The following SAMMSON variants were observed in gnomAD, a reference collection of about 807,000 sequenced individuals.
SAMMSON encodes the protein survival associated mitochondrial melanoma specific oncogenic non-coding RNA.
At chr3:70,211,674 C>T (rs1216625099) in intron 4 of SAMMSON, among the ~76,000 whole-genome samples, 1 of 126,818 alleles carries the variant, frequency 7.9e-6, no homozygotes, top group South Asian at 2.7e-4. Flanking sequence ...TTTCCCTTCC[C>T]TTTCCTTCCT....
chr3:70,047,675 T>A (rs765040074), intron 3 of SAMMSON, among the ~76,000 whole-genome samples: 6 of 152,048 alleles, frequency 3.9e-5, no homozygotes, highest in Admixed American at 6.6e-5. Flanking sequence ...CTTTTTCCAT[T>A]TGTGATACTA....
chr3:70,018,221 T>G (rs1450549302), intron 3 of SAMMSON, among the ~76,000 whole-genome samples: 1 of 152,178 alleles, frequency 6.6e-6, no homozygotes, highest in Non-Finnish European at 1.5e-5. Flanking sequence ...TTCTGGACTT[T>G]TTTTGTTGGT....
chr3:70,045,085 TA>T lies in SAMMSON; in HGVS notation n.418-26389del, dbSNP rs1287888717. ...TAATATATATTATAATTAATATATA[TA>T]ATTAATTATAATATATATTATAATT... On this transcript the variant is annotated intron_variant and non_coding_transcript_variant, in intron 3 of 9. Transcript: ENST00000642114. Among the ~76,000 whole-genome samples, 617 of 79,146 alleles carry T rather than the reference TA, an allele frequency of 7.8e-3. 11 individuals are homozygous for T. The highest frequency in any genetic ancestry group is 0.024 in the South Asian group (66 of 2,762). The allele number at this position is 79,146 out of a possible 152,430, so 51.9% of individuals were successfully genotyped here.
At chr3:70,170,505 A>G (rs897958782) in intron 4 of SAMMSON, among the ~76,000 whole-genome samples, 10 of 151,328 alleles carry the variant, frequency 6.6e-5, no homozygotes, top group African/African-American at 2.4e-4. Context: ...ATTAATGGCC[A>G]TATGGTATTA....
chr3:70,187,344 C>T (rs1701098484), intron 4 of SAMMSON, among the ~76,000 whole-genome samples: 2 of 149,264 alleles, frequency 1.3e-5, no homozygotes, highest in South Asian at 4.3e-4. Context: ...TGGTGTTGCA[C>T]ACATAATTTC....
intron 4 of SAMMSON, chr3:70,125,468 A>G: frequency 5.0e-6 from 4 of 793,886 alleles, no homozygotes; most frequent in Non-Finnish European, 8.4e-6. Flanking sequence ...TTCCGATGGC[A>G]TTTCATCAGA....
intron 2 of SAMMSON, among the ~76,000 whole-genome samples, chr3:70,418,979 T>TTCTC (rs71129503): frequency 2.8e-4 from 19 of 67,310 alleles, no homozygotes; most frequent in African/African-American, 7.7e-4. Context: ...CCTTCCTTCC[T>TTCTC]TCTCTCTCTC....
chr3:70,419,544 G>C (rs1701295085), intron 2 of SAMMSON, among the ~76,000 whole-genome samples: 1 of 152,088 alleles, frequency 6.6e-6, no homozygotes, highest in Non-Finnish European at 1.5e-5. Flanking sequence ...TTGGAATGAG[G>C]GCTTGAGAAA....
In SAMMSON at chr3:70,016,924, C is replaced by G. The variant is rs1314911882; in HGVS notation, n.417+3252C>G. On this transcript the variant is annotated intron_variant and non_coding_transcript_variant, in intron 3 of 9. Coordinates refer to ENST00000642114, the Ensembl canonical transcript of SAMMSON. ...ATATGCGGCATTATTTCTAAGGGCTCTGTTCTGTTCCATTGGTCTATATAT... is the reference window on the plus strand; with the variant it reads ...ATATGCGGCATTATTTCTAAGGGCTGTGTTCTGTTCCATTGGTCTATATAT... Among the ~76,000 whole-genome samples, 4 of 152,096 alleles carry G rather than the reference C, an allele frequency of 2.6e-5. No individual in the cohort carries two copies. The East Asian group carries it at 7.7e-4, about 29-fold the overall frequency.
chr3:70,221,913 G>A (rs1701463895), intron 4 of SAMMSON, among the ~76,000 whole-genome samples: 1 of 152,174 alleles, frequency 6.6e-6, no homozygotes, highest in Admixed American at 6.5e-5. Context: ...TAGATAATGA[G>A]TGTTAGTACT....
chr3:70,103,813 C>T (rs1048170292), intron 4 of SAMMSON, among the ~76,000 whole-genome samples: 2 of 152,122 alleles, frequency 1.3e-5, no homozygotes, highest in Non-Finnish European at 2.9e-5. Flanking sequence ...CTATAATTTC[C>T]TGTAACTATC....
chr3:70,227,837 ATAG>A (rs994903242), intron 4 of SAMMSON, among the ~76,000 whole-genome samples: 6 of 152,168 alleles, frequency 3.9e-5, no homozygotes, highest in African/African-American at 1.4e-4. Flanking sequence ...ATAAATGCAG[ATAG>A]TAGTAAGCGG....
chr3:70,014,760 T>A (rs1460296613), intron 3 of SAMMSON: 5 of 152,176 alleles, frequency 3.3e-5, no homozygotes, highest in Non-Finnish European at 7.3e-5. Context: ...GAAAAATGTT[T>A]TTCATAGAAT....
At chr3:70,267,723 G>A (rs1293620013) in intron 6 of SAMMSON, among the ~76,000 whole-genome samples, 1 of 151,904 alleles carries the variant, frequency 6.6e-6, no homozygotes, top group Non-Finnish European at 1.5e-5. Context: ...GCCTAAAATA[G>A]CATTTTTTAA....
chr3:70,268,034 T>A (rs1023666027), intron 6 of SAMMSON, among the ~76,000 whole-genome samples: 1 of 148,272 alleles, frequency 6.7e-6, no homozygotes, highest in Non-Finnish European at 1.5e-5. Flanking sequence ...CTCTTTCTCC[T>A]CCTCCTCCTC....
intron 2 of SAMMSON, among the ~76,000 whole-genome samples, chr3:70,402,235 A>C (rs1329650345): frequency 6.6e-6 from 1 of 152,224 alleles, no homozygotes; most frequent in Non-Finnish European, 1.5e-5. Context: ...AGGTTTGTGG[A>C]ATAATAAAAC....
chr3:70,326,462 G>C (rs1204651978), intron 7 of SAMMSON, among the ~76,000 whole-genome samples: 1 of 152,184 alleles, frequency 6.6e-6, no homozygotes, highest in Non-Finnish European at 1.5e-5. Context: ...AAATATTTAA[G>C]TGTGGGCAGT....
chr3:70,240,705 C>T (rs1360143539), intron 4 of SAMMSON, among the ~76,000 whole-genome samples: 1 of 152,058 alleles, frequency 6.6e-6, no homozygotes, highest in Non-Finnish European at 1.5e-5. Flanking sequence ...TTTCACCTGG[C>T]TAAACATGGT....
intron 6 of SAMMSON, among the ~76,000 whole-genome samples, chr3:70,285,821 T>C (rs1177432535): frequency 6.6e-6 from 1 of 152,188 alleles, no homozygotes; most frequent in African/African-American, 2.4e-5. Flanking sequence ...ATGAGGAGCA[T>C]TTAATCATGT....
Sources: allele counts gnomAD v4.1 joint callset (sites outside exome capture counted in the v4.1 genomes callset), GRCh38; gene constraint gnomAD v4.1.1; transcripts MANE v1.5; gene names NCBI Gene and HGNC (gene_info 2026-07-23, HGNC 2026-07-21).